Variants in KIF26B observed in about 807,000 individuals in gnomAD.
The protein encoded by KIF26B is kinesin family member 26B.
Under a neutral mutation model 151.2 loss-of-function variants are expected in KIF26B, and 63 were observed. That is an observed-to-expected ratio of 0.42 (90% CI 0.34 to 0.51). The LOEUF (loss-of-function observed/expected upper bound fraction) is 0.51, where lower values mean the gene tolerates loss of function less well. Among genes scored for constraint, KIF26B ranks in the 20% least tolerant of loss-of-function variants. KIF26B has a pLI of 0.07. For synonymous variants in KIF26B, 1,357 were observed against 1,262.1 expected, an observed-to-expected ratio of 1.08 and a Z score of -1.59; for missense variants, 2,813 against 2,913.6, an observed-to-expected ratio of 0.97 and a Z score of 0.79.
intron 2 of KIF26B, among the ~76,000 whole-genome samples, chr1:245,311,298 C>T (rs886846809): frequency 3.9e-5 from 6 of 152,132 alleles, no homozygotes; most frequent in Non-Finnish European, 8.8e-5. Flanking sequence ...GTTGGGTCTG[C>T]AGGGTCGTTG....
At chr1:245,253,379 A>G (rs1441620365) in intron 2 of KIF26B, among the ~76,000 whole-genome samples, 1 of 152,180 alleles carries the variant, frequency 6.6e-6, no homozygotes, top group Non-Finnish European at 1.5e-5. Flanking sequence ...TATTATTTGC[A>G]TCAAAGATGC....
intron 2 of KIF26B, among the ~76,000 whole-genome samples, chr1:245,158,973 A>G (rs539783425): frequency 3.3e-5 from 5 of 152,234 alleles, no homozygotes; most frequent in South Asian, 2.1e-4. Context: ...TCTCTGGTGT[A>G]CCATGGATGG....
intron 5 of KIF26B, among the ~76,000 whole-genome samples, chr1:245,581,929 G>GAAGC (rs138778759): frequency 1.7e-5 from 2 of 114,480 alleles, no homozygotes; most frequent in Non-Finnish European, 4.2e-5. Flanking sequence ...AGAGAAAGAG[G>GAAGC]AAGGAAGGAA....
chr1:245,427,526 T>G (rs7544817), intron 4 of KIF26B, among the ~76,000 whole-genome samples: 1,692 of 152,278 alleles, frequency 0.011, 39 homozygotes, highest in African/African-American at 0.039. Context: ...GAGAATCACT[T>G]GAACCCGGGA....
At chr1:245,385,747 C>T (rs1186687059) in intron 3 of KIF26B, among the ~76,000 whole-genome samples, 4 of 152,194 alleles carry the variant, frequency 2.6e-5, no homozygotes, top group Non-Finnish European at 5.9e-5. Context: ...GCCACGTGTA[C>T]TCAGGCAGGT....
At chr1:245,647,424 CAAAAAAAAA>C (rs372008159) in intron 10 of KIF26B, among the ~76,000 whole-genome samples, 15 of 96,536 alleles carry the variant, frequency 1.6e-4, no homozygotes, top group African/African-American at 6.4e-4. Flanking sequence ...GACTCCTTCT[CAAAAAAAAA>C]AAAAAAAAAA....
In KIF26B at chr1:245,685,800, C is replaced by G. The variant is rs760386992; in HGVS notation, c.2817C>G (p.Ser939Arg). ...AGAGGCTGGACTGCATCGACGGCAG[C>G]GAGGAGCCCAGCAGCTTTCCTTTCG... Reference protein sequence around the residue: ...LQERLDCIDGSEEPSSFPFEE... With the variant: ...LQERLDCIDGREEPSSFPFEE... The change falls in exon 12 of 15, where the codon AGC (serine) becomes AGG (arginine). Residue 939 changes from serine (S) to arginine (R), a missense_variant. Physicochemically the swap from Ser to Arg is moderately radical, Grantham distance 110. Around this residue, in one of 3 missense-constraint regions of KIF26B, gnomAD observed 2,060 missense variants for 2,088.6 expected, o/e 0.99. Coordinates refer to ENST00000407071, the MANE Select transcript of KIF26B (RefSeq NM_018012.4). The G allele has an allele frequency of 2.5e-6, 4 of 1,609,304 alleles. No homozygotes were observed. In the African/African-American group the frequency reaches 4.0e-5, roughly 16 times the overall value.
chr1:245,222,346 A>G (rs936445578), intron 2 of KIF26B, among the ~76,000 whole-genome samples: 2 of 152,152 alleles, frequency 1.3e-5, no homozygotes, highest in African/African-American at 4.8e-5. Flanking sequence ...CTGAGGCAGG[A>G]GAATCGCTTA....
intron 4 of KIF26B, among the ~76,000 whole-genome samples, chr1:245,520,639 T>A (rs928442160): frequency 6.6e-6 from 1 of 151,108 alleles, no homozygotes; most frequent in African/African-American, 2.4e-5. Flanking sequence ...CATCCATCCA[T>A]CCATCCATCC....
intron 3 of KIF26B, among the ~76,000 whole-genome samples, chr1:245,404,223 T>TG (rs936584706): frequency 1.3e-5 from 2 of 149,844 alleles, no homozygotes; most frequent in East Asian, 3.9e-4. Context: ...TTTTTTTTTT[T>TG]TATAAAGCGT....
At chr1:245,496,956 C>G (rs1027233036) in intron 4 of KIF26B, among the ~76,000 whole-genome samples, 5 of 152,004 alleles carry the variant, frequency 3.3e-5, no homozygotes, top group Middle Eastern at 3.4e-3. Context: ...GAGTTCAAGA[C>G]CAGCCTGACC....
rs1197071761 is a variant in KIF26B at position 245,609,432 on chromosome 1, C to A, written c.1818C>A (p.Asn606Lys). ...TGGAAGTGTGGGGGAAGGAGGAGAACCTGCGGGACCTGCTGTCGGAGGTGG... is the reference window on the plus strand; with the variant it reads ...TGGAAGTGTGGGGGAAGGAGGAGAAACTGCGGGACCTGCTGTCGGAGGTGG... The part of the protein sequence containing the change: ...SAVEVWGKEE[N>K]LRDLLSEVAT... The change falls in exon 8 of 15, where the codon AAC (asparagine) becomes AAA (lysine). Residue 606 changes from asparagine (N) to lysine (K), a missense_variant. By Grantham distance (94) the Asn-to-Lys change is moderately conservative. Coordinates refer to ENST00000407071, the MANE Select transcript of KIF26B (RefSeq NM_018012.4). 4 of 1,607,116 alleles carry A rather than the reference C, an allele frequency of 2.5e-6. No homozygotes were observed. Among genetic ancestry groups the A allele is most frequent in the Admixed American group, 1.7e-5 (1 of 59,056 alleles).
intron 2 of KIF26B, among the ~76,000 whole-genome samples, chr1:245,313,334 A>G (rs960028938): frequency 4.6e-5 from 7 of 152,206 alleles, no homozygotes; most frequent in Non-Finnish European, 8.8e-5. Context: ...CATGACTTCC[A>G]TGTCAGCAGG....
intron 10 of KIF26B, among the ~76,000 whole-genome samples, chr1:245,675,612 C>T (rs975911647): frequency 6.6e-6 from 1 of 152,136 alleles, no homozygotes; most frequent in African/African-American, 2.4e-5. Context: ...CTAGTGTGAG[C>T]TTGGATGAAC....
At chr1:245,312,003 T>A (rs1369394777) in intron 2 of KIF26B, among the ~76,000 whole-genome samples, 1 of 152,228 alleles carries the variant, frequency 6.6e-6, no homozygotes, top group Non-Finnish European at 1.5e-5. Context: ...TTTATGCATA[T>A]CAGATTGAAG....
intron 5 of KIF26B, among the ~76,000 whole-genome samples, chr1:245,587,633 G>C (rs1274003956): frequency 1.3e-5 from 2 of 152,204 alleles, no homozygotes; most frequent in African/African-American, 4.8e-5. Context: ...AGCAGCTTGA[G>C]TGCTTTGGAA....
At chr1:245,583,968 G>A (rs1026502985) in intron 5 of KIF26B, among the ~76,000 whole-genome samples, 3 of 152,184 alleles carry the variant, frequency 2.0e-5, no homozygotes, top group African/African-American at 7.2e-5. Context: ...ATCTTTCCCT[G>A]GGGAAATTAT....
intron 4 of KIF26B, among the ~76,000 whole-genome samples, chr1:245,455,861 A>G (rs1659507821): frequency 6.6e-6 from 1 of 152,234 alleles, no homozygotes; most frequent in African/African-American, 2.4e-5. Flanking sequence ...TCAGCCACTC[A>G]GCACTGGGTA....
At chr1:245,179,545 AC>A (rs1261521218) in intron 2 of KIF26B, among the ~76,000 whole-genome samples, 3 of 151,768 alleles carry the variant, frequency 2.0e-5, no homozygotes, top group Non-Finnish European at 4.4e-5. Flanking sequence ...AATCACTTGA[AC>A]CCCAGGAGGT....
Sources: allele counts gnomAD v4.1 joint callset (sites outside exome capture counted in the v4.1 genomes callset), GRCh38; gene constraint gnomAD v4.1.1; regional missense constraint gnomAD v4.1.1; transcripts MANE v1.5; gene names NCBI Gene and HGNC (gene_info 2026-07-23, HGNC 2026-07-21).